POLA1: variants seen among roughly 807,000 people sequenced by gnomAD.
POLA1 encodes DNA polymerase alpha 1, catalytic subunit.
Under a neutral mutation model 124.0 loss-of-function variants are expected in POLA1, and 15 were observed. The observed-to-expected ratio is 0.12, with a 90% CI of 0.08 to 0.19. The LOEUF (loss-of-function observed/expected upper bound fraction) is 0.19. POLA1 is among the 10% of genes least tolerant of loss of function. The pLI is 1.00. For missense variants in POLA1, 886 were observed against 1,103.4 expected (o/e 0.80, Z 2.79); for synonymous variants, 408 against 389.4 (o/e 1.05, Z -0.56).
At chrX:24,918,758 C>G (rs995007080) in intron 35 of POLA1, among the ~76,000 whole-genome samples, 1 of 111,499 alleles carries the variant, frequency 9.0e-6, no homozygotes, top group African/African-American at 3.3e-5. Context: ...GGGCCTCGGG[C>G]TGCTTCCTCT....
chrX:24,840,794 C>T (rs764401489), intron 32 of POLA1, among the ~76,000 whole-genome samples: 1 of 111,635 alleles, frequency 9.0e-6, no homozygotes, highest in South Asian at 3.7e-4. Context: ...TGAAAGCATC[C>T]CTTAGCAATC....
At chrX:24,732,893 T>C (rs1931023231) in intron 16 of POLA1, among the ~76,000 whole-genome samples, 2 of 111,772 alleles carry the variant, frequency 1.8e-5, no homozygotes, top group Admixed American at 1.9e-4. Context: ...GTAATAAGAA[T>C]TGGAGTTGGG....
At chrX:24,975,253 A>G (rs2048352720) in intron 36 of POLA1, among the ~76,000 whole-genome samples, 1 of 112,391 alleles carries the variant, frequency 8.9e-6, no homozygotes, top group South Asian at 3.7e-4. Context: ...CTCGTGATCC[A>G]TCCGCCTTGG....
At chrX:24,908,813 G>A (rs775153405) in intron 35 of POLA1, among the ~76,000 whole-genome samples, 1 of 111,701 alleles carries the variant, frequency 9.0e-6, no homozygotes, top group East Asian at 2.8e-4. Context: ...TCGCCACACT[G>A]ACTTCCACAA....
At chrX:24,694,870 C>G (rs763285226) in intron 1 of POLA1, among the ~76,000 whole-genome samples, 3 of 112,230 alleles carry the variant, frequency 2.7e-5, no homozygotes, top group Non-Finnish European at 5.6e-5. Flanking sequence ...CCTTTGCATT[C>G]ACCTAGTTGT....
chrX:24,947,262 T>A, intron 36 of POLA1, among the ~76,000 whole-genome samples: 1 of 52,892 alleles, frequency 1.9e-5, no homozygotes, highest in Non-Finnish European at 3.4e-5. Context: ...TTTTTTTTTT[T>A]TTTTTTTTTT....
At chrX:24,896,240 C>A (rs1349969626) in intron 35 of POLA1, among the ~76,000 whole-genome samples, 1 of 111,026 alleles carries the variant, frequency 9.0e-6, no homozygotes, top group East Asian at 2.8e-4. Flanking sequence ...AGGGATGCTG[C>A]TAAACATCTT....
intron 29 of POLA1, among the ~76,000 whole-genome samples, chrX:24,813,193 G>A (rs1364485071): frequency 9.0e-6 from 1 of 110,774 alleles, no homozygotes; most frequent in Non-Finnish European, 1.9e-5. Flanking sequence ...CTCTATTGTT[G>A]CTATTAGAAA....
intron 36 of POLA1, among the ~76,000 whole-genome samples, chrX:24,971,523 A>T (rs1472634480): frequency 8.9e-6 from 1 of 112,345 alleles, no homozygotes; most frequent in African/African-American, 3.2e-5. Flanking sequence ...GCAACAAATC[A>T]TAGCATGGGC....
chrX:24,732,461 A>AT lies in POLA1; in HGVS notation c.1771+16dup, dbSNP rs752493068. 672 of 1,065,888 alleles carry AT rather than the reference A, an allele frequency of 6.3e-4. No individual in the cohort carries two copies. Among genetic ancestry groups the AT allele is most frequent in the African/African-American group, 6.3e-4 (34 of 53,586 alleles). The allele number at this position is 1,065,888 out of a possible 1,213,427, so 87.8% of individuals were successfully genotyped here. On this transcript the variant is annotated splice_region_variant and intron_variant, in intron 16 of 36. Transcript: ENST00000379068. ...TTTCAGTCACACTTCTGTGGTATGT[A>AT]TTTTTTTTTAAGCTGGCTTACTAAC... is the stretch of plus-strand genomic sequence containing the variant.
chrX:24,951,943 G>C (rs1048955523), intron 36 of POLA1, among the ~76,000 whole-genome samples: 6 of 111,809 alleles, frequency 5.4e-5, no homozygotes, highest in African/African-American at 2.0e-4. Context: ...TACCATTTTG[G>C]ACACTGCTGT....
chrX:24,862,030 G>A (rs1404604389), intron 34 of POLA1, among the ~76,000 whole-genome samples: 3 of 111,581 alleles, frequency 2.7e-5, no homozygotes, highest in Non-Finnish European at 5.7e-5. Context: ...ATCAAAATAA[G>A]CAGTTTGAAG....
At chrX:24,929,186 G>C (rs1232325754) in intron 35 of POLA1, among the ~76,000 whole-genome samples, 2 of 112,065 alleles carry the variant, frequency 1.8e-5, no homozygotes, top group African/African-American at 6.5e-5. Flanking sequence ...AGGATCCTTG[G>C]ATCTAATACT....
intron 19 of POLA1, among the ~76,000 whole-genome samples, chrX:24,738,818 T>A (rs149063310): frequency 1.6e-3 from 178 of 112,233 alleles, no homozygotes; most frequent in African/African-American, 5.7e-3. Context: ...ATCAGATAAG[T>A]TAGGAATCTG....
At chrX:24,797,720 T>C (rs775603148) in intron 26 of POLA1, among the ~76,000 whole-genome samples, 1 of 111,547 alleles carries the variant, frequency 9.0e-6, no homozygotes, top group East Asian at 2.8e-4. Context: ...CTATAATTCA[T>C]ATCAAATTCT....
At chrX:24,994,437 C>G (rs2048575164) in intron 36 of POLA1, among the ~76,000 whole-genome samples, 1 of 112,513 alleles carries the variant, frequency 8.9e-6, no homozygotes, top group African/African-American at 3.2e-5. Flanking sequence ...GGCGCGCTCT[C>G]CCCTCCGTGT....
At chrX:24,813,730 C>T (rs2045941636) in intron 29 of POLA1, among the ~76,000 whole-genome samples, 1 of 106,758 alleles carries the variant, frequency 9.4e-6, no homozygotes, top group African/African-American at 3.5e-5. Context: ...AGGAGAATCG[C>T]TTGAACCTTG....
intron 34 of POLA1, among the ~76,000 whole-genome samples, chrX:24,854,847 A>G (rs1008747879): frequency 2.7e-5 from 3 of 111,031 alleles, no homozygotes; most frequent in Non-Finnish European, 5.7e-5. Context: ...AAAAAGCCCA[A>G]AATTTATGTG....
At chrX:24,917,695 G>A (rs561353217) in intron 35 of POLA1, among the ~76,000 whole-genome samples, 1 of 111,750 alleles carries the variant, frequency 8.9e-6, no homozygotes, top group Admixed American at 9.5e-5. Context: ...TAGAGAGTCT[G>A]TGTCCTCAGA....
Sources: gnomAD v4.1 joint callset for allele counts (sites outside exome capture counted in the v4.1 genomes callset) on GRCh38, gnomAD v4.1.1 for gene constraint, MANE v1.5 for transcripts, NCBI Gene and HGNC (gene_info 2026-07-23, HGNC 2026-07-21) for gene names.